YLPM1: variants seen among roughly 807,000 people sequenced by gnomAD.
YLPM1 encodes the protein YLP motif-containing protein 1.
Under a neutral mutation model 230.0 loss-of-function variants are expected in YLPM1, and 99 were observed. The observed-to-expected ratio is 0.43, with a 90% CI of 0.37 to 0.51. YLPM1 has a LOEUF of 0.51. Ranked by LOEUF, YLPM1 falls within the 20% of genes least tolerant of loss-of-function variation. The pLI, the probability that YLPM1 is intolerant of heterozygous loss-of-function variation, is 0.00. For missense variants in YLPM1, 2,592 were observed against 2,707.7 expected, an observed-to-expected ratio of 0.96 and a Z score of 0.95; for synonymous variants, 984 against 942.5, an observed-to-expected ratio of 1.04 and a Z score of -0.81.
In YLPM1 at chr14:74,781,568, C is replaced by A. The variant is rs1339548268; in HGVS notation, c.1525C>A (p.Gln509Lys). The A allele has an allele frequency of 6.2e-7, 1 of 1,613,964 alleles. No individual in the cohort carries two copies. The highest frequency in any genetic ancestry group is 2.2e-5 in the East Asian group (1 of 44,876). Reference protein sequence around the residue: ...KVNSFQNMKNQYMGNMSMPPP... With the variant: ...KVNSFQNMKNKYMGNMSMPPP... Reference sequence around the variant, plus strand: ...CAATTCATTTCAGAACATGAAGAACCAGTATATGGGGAACATGTCAATGCC... The same window carrying A: ...CAATTCATTTCAGAACATGAAGAACAAGTATATGGGGAACATGTCAATGCC... The change falls in exon 4 of 21, where the codon CAG (glutamine) becomes AAG (lysine). Residue 509 changes from glutamine (Q) to lysine (K), a missense_variant. Physicochemically the swap from Gln to Lys is moderately conservative, Grantham distance 53. Coordinates refer to ENST00000325680, the MANE Select transcript of YLPM1 (RefSeq NM_019589.3).
intron 16 of YLPM1, among the ~76,000 whole-genome samples, chr14:74,819,259 A>G (rs972108459): frequency 4.8e-5 from 7 of 146,264 alleles, no homozygotes; most frequent in African/African-American, 1.8e-4. Flanking sequence ...TCCATACTCA[A>G]TATTGTCATT....
At chr14:74,813,539 G>A (rs554319526) in intron 11 of YLPM1, among the ~76,000 whole-genome samples, 8 of 152,136 alleles carry the variant, frequency 5.3e-5, no homozygotes, top group Admixed American at 1.3e-4. Context: ...AGGACACAGC[G>A]GATCGTGTTT....
chr14:74,809,107 GTTT>G (rs561137969), intron 6 of YLPM1, among the ~76,000 whole-genome samples: 107 of 142,294 alleles, frequency 7.5e-4, no homozygotes, highest in African/African-American at 2.6e-3. Flanking sequence ...TTTGGCCATA[GTTT>G]TTTTTTTTTT....
At chr14:74,789,797 T>C (rs2091188795) in intron 4 of YLPM1, among the ~76,000 whole-genome samples, 1 of 151,980 alleles carries the variant, frequency 6.6e-6, no homozygotes, top group Non-Finnish European at 1.5e-5. Context: ...TTGGCTACGT[T>C]ATTTTTTGTA....
Position 74,780,506 on chromosome 14 carries a change from A to C in YLPM1, c.1212A>C (p.Gly404=). 1 of 1,614,026 alleles carries C rather than the reference A, an allele frequency of 6.2e-7. No homozygotes were observed. Among genetic ancestry groups the C allele is most frequent in the Non-Finnish European group, 8.5e-7 (1 of 1,179,894 alleles). Reference sequence around the variant, plus strand: ...ATCGAGTCGGTTTCCAGTATCAGGGAATAATGCAGAAGCACACTCAGTTAC... The same window carrying C: ...ATCGAGTCGGTTTCCAGTATCAGGGCATAATGCAGAAGCACACTCAGTTAC... ...QQHRVGFQYQ[G]IMQKHTQLQQ... The change falls in exon 3 of 21, where the codon GGA becomes GGC. Residue 404 remains glycine (G), a synonymous_variant. Transcript: ENST00000325680.
chr14:74,805,014 T>C (rs1030401362), intron 6 of YLPM1, among the ~76,000 whole-genome samples: 7 of 151,752 alleles, frequency 4.6e-5, no homozygotes, highest in Admixed American at 3.9e-4. Context: ...TAACTCCTTT[T>C]CTTTTTTCCT....
At chr14:74,771,145 G>A (rs2090972874) in intron 1 of YLPM1, among the ~76,000 whole-genome samples, 1 of 152,150 alleles carries the variant, frequency 6.6e-6, no homozygotes, top group African/African-American at 2.4e-5. Flanking sequence ...TGGGGGTGAG[G>A]AGAAAATCAT....
In YLPM1 at chr14:74,799,651, C is replaced by T; in HGVS notation, c.4354C>T (p.Gln1452Ter). 1 of 1,613,162 alleles carries T rather than the reference C, an allele frequency of 6.2e-7. No homozygotes were observed. The highest frequency in any genetic ancestry group is 8.5e-7 in the Non-Finnish European group (1 of 1,179,304). The change falls in exon 5 of 21, where the codon CAG (glutamine) becomes TAG (stop). Residue 1452 changes from glutamine to a stop codon, truncating the protein, a stop_gained. Coordinates refer to ENST00000325680, the MANE Select transcript of YLPM1 (RefSeq NM_019589.3). LOFTEE classifies it high-confidence loss of function. ...AGGGGTAATGGTTCTCAGTCAGAGG[C>T]AGCATGAAATCATTTTGAAAGCTGC... ...LGGVMVLSQR[Q>*]HEIILKAAQE...
Position 74,763,318 on chromosome 14 carries a change from TC to T in YLPM1, c.-169del, listed in dbSNP as rs2090867003. ...AGTCGCCCAAGTCGCGTCCCCGCCT[TC>T]CCGGTCGCGGGCCCAGCTCGGGAGC... is the stretch of plus-strand genomic sequence containing the variant. On this transcript the variant is annotated 5_prime_UTR_variant, in exon 1 of 21. Coordinates refer to ENST00000325680, the MANE Select transcript of YLPM1 (RefSeq NM_019589.3). 1.5e-6 allele frequency: 1 copy of T among 686,916 alleles called. No homozygotes were observed. The highest frequency in any genetic ancestry group is 2.1e-6 in the Non-Finnish European group (1 of 470,526). 42.6% of individuals were successfully genotyped at this position (686,916 alleles called of 1,614,324 possible).
intron 4 of YLPM1, among the ~76,000 whole-genome samples, chr14:74,784,734 C>T (rs1004418396): frequency 1.8e-4 from 28 of 152,230 alleles, no homozygotes; most frequent in African/African-American, 6.8e-4. Flanking sequence ...AATGAATTAT[C>T]CTATGCCTCT....
intron 1 of YLPM1, among the ~76,000 whole-genome samples, chr14:74,772,050 A>T (rs182418157): frequency 2.0e-5 from 3 of 152,282 alleles, no homozygotes; most frequent in Non-Finnish European, 4.4e-5. Flanking sequence ...GGCATTTATG[A>T]TAACCTGGAT....
intron 18 of YLPM1, chr14:74,828,104 T>A: frequency 1.4e-6 from 1 of 713,090 alleles, no homozygotes; most frequent in Non-Finnish European, 1.7e-6. Flanking sequence ...CAGTTGTGTG[T>A]AAAACTTTTA....
At chr14:74,806,682 ATAAT>A (rs1312193396) in intron 6 of YLPM1, among the ~76,000 whole-genome samples, 1 of 152,166 alleles carries the variant, frequency 6.6e-6, no homozygotes, top group African/African-American at 2.4e-5. Flanking sequence ...GGTATATTTA[ATAAT>A]TTTAATACAG....
At chr14:74,808,545 G>A (rs2091401036) in intron 6 of YLPM1, among the ~76,000 whole-genome samples, 1 of 152,104 alleles carries the variant, frequency 6.6e-6, no homozygotes, top group Non-Finnish European at 1.5e-5. Context: ...GCTCATGCCT[G>A]TAATCCCAGC....
chr14:74,799,116 T>C lies in YLPM1; in HGVS notation c.3819T>C (p.Asp1273=), dbSNP rs1251747588. Residue 1273 remains aspartate, a synonymous_variant, in exon 5 of 21, where the codon GAT becomes GAC. Transcript: ENST00000325680. ...GGGATGATTGGGAGAGAGACCAGGA[T>C]ATGGATGAGGACTACAATAGGGAAA... The part of the protein sequence containing the change: ...PWWDDWERDQ[D]MDEDYNREME... The C allele has an allele frequency of 6.2e-7, 1 of 1,613,616 alleles. No individual in the cohort carries two copies. The highest frequency in any genetic ancestry group is 1.7e-5 in the Admixed American group (1 of 59,980).
chr14:74,809,954 A>G lies in YLPM1; in HGVS notation c.4984A>G (p.Ile1662Val), dbSNP rs774310233. The G allele has an allele frequency of 6.2e-7, 1 of 1,610,222 alleles. No individual in the cohort carries two copies. The highest frequency in any genetic ancestry group is 8.5e-7 in the Non-Finnish European group (1 of 1,177,948). The change falls in exon 8 of 21, where the codon ATA (isoleucine) becomes GTA (valine). Residue 1662 changes from isoleucine (I) to valine (V), a missense_variant. Transcript: ENST00000325680. ...KVEQIPYGER[I>V]TLRPDPLPER... is the part of the protein sequence containing the mutation. ...TGAACAGATACCTTATGGAGAAAGA[A>G]TAACTCTACGCCCAGATCCACTACC...
chr14:74,825,837 C>G (rs2140142292), intron 18 of YLPM1, among the ~76,000 whole-genome samples: 1 of 152,200 alleles, frequency 6.6e-6, no homozygotes, highest in Middle Eastern at 3.4e-3. Flanking sequence ...TAAACTCAAG[C>G]CAGTCCATCT....
intron 1 of YLPM1, among the ~76,000 whole-genome samples, chr14:74,768,542 C>G (rs79146120): frequency 6.6e-6 from 1 of 152,104 alleles, no homozygotes; most frequent in Admixed American, 6.5e-5. Context: ...CCACTGCGCC[C>G]GGTCGGAATG....
intron 4 of YLPM1, among the ~76,000 whole-genome samples, chr14:74,797,360 A>G (rs1299884268): frequency 6.6e-6 from 1 of 151,906 alleles, no homozygotes; most frequent in Non-Finnish European, 1.5e-5. Flanking sequence ...TAAGTTAGAT[A>G]ATACTGACAT....
Sources: allele counts gnomAD v4.1 joint callset (sites outside exome capture counted in the v4.1 genomes callset), GRCh38; gene constraint gnomAD v4.1.1; transcripts MANE v1.5; gene names NCBI Gene and HGNC (gene_info 2026-07-23, HGNC 2026-07-21).